SLC25A21: variants seen among roughly 807,000 people sequenced by gnomAD.
SLC25A21 encodes the protein mitochondrial 2-oxodicarboxylate carrier.
A neutral mutation model predicts 43.8 loss-of-function variants in SLC25A21; 47 were observed. That is an observed-to-expected ratio of 1.07 (90% CI 0.85 to 1.37). The LOEUF (loss-of-function observed/expected upper bound fraction) is 1.37. Among genes scored for constraint, SLC25A21 ranks in the 40% most tolerant of loss-of-function variants. SLC25A21 has a pLI of 0.00. For synonymous variants in SLC25A21, 131 were observed against 121.3 expected (o/e 1.08, Z -0.52); for missense variants, 352 against 350.2 (o/e 1.00, Z -0.04).
chr14:36,684,890 A>G lies in SLC25A21; in HGVS notation c.639T>C (p.Ile213=). The G allele has an allele frequency of 1.2e-6, 2 of 1,610,336 alleles. No homozygotes were observed. Among genetic ancestry groups the G allele is most frequent in the South Asian group, 1.1e-5 (1 of 90,502 alleles). The change falls in exon 8 of 10, where the codon ATT becomes ATC. Residue 213 remains isoleucine (I), a synonymous_variant. Transcript: ENST00000331299. Reference sequence around the variant, plus strand: ...AGGCTATTGTCCCCGAGAGAAGACCAATCCCAAATTTTCTCCAAAACTCCA... The same window carrying G: ...AGGCTATTGTCCCCGAGAGAAGACCGATCCCAAATTTTCTCCAAAACTCCA... The part of the protein sequence containing the change: ...PILEFWRKFG[I]GLLSGTIASV...
intron 1 of SLC25A21, among the ~76,000 whole-genome samples, chr14:37,057,536 C>T (rs2138807265): frequency 6.6e-6 from 1 of 152,224 alleles, no homozygotes; most frequent in Admixed American, 6.5e-5. Context: ...CCAGTTAAAT[C>T]ATTAGACATT....
chr14:36,828,240 A>G (rs1292470026), intron 2 of SLC25A21, among the ~76,000 whole-genome samples: 2 of 152,116 alleles, frequency 1.3e-5, no homozygotes, highest in Non-Finnish European at 2.9e-5. Flanking sequence ...TTGATTCTAG[A>G]AGACATGCAC....
chr14:36,890,196 A>G (rs1891037109), intron 1 of SLC25A21, among the ~76,000 whole-genome samples: 1 of 152,102 alleles, frequency 6.6e-6, no homozygotes, highest in Non-Finnish European at 1.5e-5. Context: ...GGCCAGGAAA[A>G]CATCATAAAA....
chr14:37,126,773 T>C (rs1963305214), intron 1 of SLC25A21, among the ~76,000 whole-genome samples: 1 of 152,182 alleles, frequency 6.6e-6, no homozygotes, highest in South Asian at 2.1e-4. Context: ...AGGGCATTCT[T>C]TAATCACTTC....
chr14:37,062,818 G>A (rs749465426), intron 1 of SLC25A21, among the ~76,000 whole-genome samples: 8 of 152,180 alleles, frequency 5.3e-5, no homozygotes, highest in Non-Finnish European at 8.8e-5. Flanking sequence ...TATCTTAGCA[G>A]AAGTGAAACA....
chr14:36,973,183 G>A (rs769658530), intron 1 of SLC25A21, among the ~76,000 whole-genome samples: 2 of 152,048 alleles, frequency 1.3e-5, no homozygotes. Context: ...AAGTGTTAGA[G>A]CCACATTTTA....
At chr14:36,967,836 G>A (rs1959654180) in intron 1 of SLC25A21, among the ~76,000 whole-genome samples, 1 of 152,136 alleles carries the variant, frequency 6.6e-6, no homozygotes, top group Non-Finnish European at 1.5e-5. Context: ...ATGCACTTGT[G>A]TGTGTGTGTG....
In SLC25A21 at chr14:36,705,206, A is replaced by ATT. The variant is rs151026449; in HGVS notation, c.603+6111_603+6112insAA. 8.4e-3 allele frequency among the ~76,000 whole-genome samples: 1,267 copies of ATT among 150,448 alleles called. 12 individuals carry two copies. Among genetic ancestry groups the ATT allele is most frequent in the Admixed American group, 0.011 (166 of 15,164 alleles). On this transcript the variant is annotated intron_variant, in intron 7 of 9. Transcript: ENST00000331299. ...CTGGCGCCCGCCACCATGCCTGGTT[A>ATT]ATTTTTTTTTTTGTATTTTTAGTAG... is the stretch of plus-strand genomic sequence containing the variant.
chr14:37,130,559 T>C (rs1164439893), intron 1 of SLC25A21, among the ~76,000 whole-genome samples: 3 of 152,180 alleles, frequency 2.0e-5, no homozygotes, highest in Non-Finnish European at 4.4e-5. Flanking sequence ...AACAATAAAG[T>C]GCATTACTGT....
At chr14:36,875,809 CTGAGCAGAGA>C in intron 1 of SLC25A21, among the ~76,000 whole-genome samples, 1 of 152,142 alleles carries the variant, frequency 6.6e-6, no homozygotes, top group East Asian at 1.9e-4. Context: ...TATCATCCAA[CTGAGCAGAGA>C]AGACTACTCA....
intron 2 of SLC25A21, among the ~76,000 whole-genome samples, chr14:36,863,234 G>A (rs1890122905): frequency 6.6e-6 from 1 of 152,192 alleles, no homozygotes; most frequent in Admixed American, 6.5e-5. Flanking sequence ...GGCTGGGGTA[G>A]GCACAGGAGA....
chr14:36,983,638 A>T (rs1483965769), intron 1 of SLC25A21, among the ~76,000 whole-genome samples: 1 of 152,198 alleles, frequency 6.6e-6, no homozygotes, highest in Non-Finnish European at 1.5e-5. Context: ...ATGACTGGGT[A>T]TCTACCCAAA....
At chr14:36,814,659 T>G (rs1888391496) in intron 2 of SLC25A21, among the ~76,000 whole-genome samples, 1 of 152,144 alleles carries the variant, frequency 6.6e-6, no homozygotes, top group African/African-American at 2.4e-5. Context: ...TAATAAAAAG[T>G]CAGCAAACAA....
chr14:36,815,101 T>C (rs1888408608), intron 2 of SLC25A21, among the ~76,000 whole-genome samples: 1 of 152,074 alleles, frequency 6.6e-6, no homozygotes, highest in Non-Finnish European at 1.5e-5. Flanking sequence ...TTCTCACTCA[T>C]AAGTGGGAGT....
At chr14:36,738,245 C>G (rs566682280) in intron 3 of SLC25A21, among the ~76,000 whole-genome samples, 461 of 152,288 alleles carry the variant, frequency 3.0e-3, no homozygotes, top group Middle Eastern at 0.01. Context: ...TGAAAGTTTT[C>G]CCAACGCAAA....
chr14:37,131,126 T>C (rs1409466058), intron 1 of SLC25A21, among the ~76,000 whole-genome samples: 2 of 152,220 alleles, frequency 1.3e-5, no homozygotes, highest in African/African-American at 2.4e-5. Context: ...TCTACACTTA[T>C]AATTTGTGCA....
At chr14:36,878,194 G>T (rs1439073952) in intron 1 of SLC25A21, among the ~76,000 whole-genome samples, 1 of 152,076 alleles carries the variant, frequency 6.6e-6, no homozygotes, top group Non-Finnish European at 1.5e-5. Context: ...TGCACCTCTA[G>T]ATTTGAGAGT....
Position 36,954,229 on chromosome 14 carries a change from C to T in SLC25A21, c.71-79225G>A, listed in dbSNP as rs754397517. Among the ~76,000 whole-genome samples the T allele has an allele frequency of 7.7e-4, 118 of 152,264 alleles. 1 individual carries two copies. The highest frequency in any genetic ancestry group is 1.2e-3 in the Non-Finnish European group (82 of 68,008). On this transcript the variant is annotated intron_variant, in intron 1 of 9. Coordinates refer to ENST00000331299, the MANE Select transcript of SLC25A21 (RefSeq NM_030631.4). ...CCTTTGTAATTTCTGCCTCATGTTT[C>T]TTCTCCACACCCTTTTACGGAATTC...
intron 1 of SLC25A21, among the ~76,000 whole-genome samples, chr14:37,078,468 C>T (rs1962325858): frequency 6.6e-6 from 1 of 152,038 alleles, no homozygotes; most frequent in Non-Finnish European, 1.5e-5. Context: ...AGGAGAGTTC[C>T]ACTGCAATCA....
Sources: allele counts gnomAD v4.1 joint callset (sites outside exome capture counted in the v4.1 genomes callset), GRCh38; gene constraint gnomAD v4.1.1; transcripts MANE v1.5; gene names NCBI Gene and HGNC (gene_info 2026-07-23, HGNC 2026-07-21).